CNTNAP2: variants seen among roughly 807,000 people sequenced by gnomAD.
CNTNAP2 encodes the protein contactin associated protein 2, also known as contactin-associated protein-like 2.
In CNTNAP2, 98 loss-of-function variants were observed where a neutral mutation model predicts 155.2. That is an observed-to-expected ratio of 0.63 (90% confidence interval 0.54 to 0.75). The LOEUF is 0.75. CNTNAP2 is among the 30% of genes least tolerant of loss of function. The pLI is 0.00. For synonymous variants in CNTNAP2, 651 were observed against 631.2 expected, an observed-to-expected ratio of 1.03 and a Z score of -0.47; for missense variants, 1,727 against 1,688.1, an observed-to-expected ratio of 1.02 and a Z score of -0.40.
At chr7:147,819,740 C>T (rs1042235944) in intron 13 of CNTNAP2, among the ~76,000 whole-genome samples, 4 of 151,852 alleles carry the variant, frequency 2.6e-5, no homozygotes, top group Non-Finnish European at 5.9e-5. Context: ...ATCTGATTTC[C>T]ATCAACAGAT....
chr7:146,575,156 G>T (rs918868369), intron 1 of CNTNAP2, among the ~76,000 whole-genome samples: 1 of 151,960 alleles, frequency 6.6e-6, no homozygotes, highest in Admixed American at 6.6e-5. Flanking sequence ...TTTTTCTGTC[G>T]CCCAGGGTGG....
chr7:148,132,940 A>C (rs898178016), intron 16 of CNTNAP2, among the ~76,000 whole-genome samples: 3 of 152,198 alleles, frequency 2.0e-5, no homozygotes, highest in Non-Finnish European at 4.4e-5. Context: ...TAATATTACA[A>C]TGATCTGACA....
At chr7:147,728,824 G>GA (rs1228022811) in intron 13 of CNTNAP2, among the ~76,000 whole-genome samples, 1 of 151,630 alleles carries the variant, frequency 6.6e-6, no homozygotes, top group South Asian at 2.1e-4. Context: ...TAGAGCCAAG[G>GA]AAAAATGAAT....
chr7:147,010,515 G>A (rs1010561449), intron 3 of CNTNAP2, among the ~76,000 whole-genome samples: 8 of 152,264 alleles, frequency 5.3e-5, no homozygotes, highest in African/African-American at 1.7e-4. Context: ...ACCAGAGGAT[G>A]ATGGTAACCT....
At chr7:147,477,152 T>C (rs17314955) in intron 10 of CNTNAP2, among the ~76,000 whole-genome samples, 4,573 of 152,232 alleles carry the variant, frequency 0.03, 115 homozygotes, top group Non-Finnish European at 0.048. Context: ...GCTAAATATT[T>C]TTTTGGGGAG....
intron 18 of CNTNAP2, among the ~76,000 whole-genome samples, chr7:148,215,717 C>G (rs892679863): frequency 3.9e-5 from 6 of 152,020 alleles, no homozygotes; most frequent in Admixed American, 3.9e-4. Flanking sequence ...TTACTTAATC[C>G]TCACAACCAC....
At chr7:147,445,886 G>A (rs1275378547) in intron 10 of CNTNAP2, among the ~76,000 whole-genome samples, 1 of 151,880 alleles carries the variant, frequency 6.6e-6, no homozygotes, top group African/African-American at 2.4e-5. Context: ...CCTTGACTTC[G>A]TGGGCTCAAG....
intron 13 of CNTNAP2, among the ~76,000 whole-genome samples, chr7:147,773,188 CT>C (rs1256549926): frequency 7.9e-5 from 12 of 152,114 alleles, no homozygotes; most frequent in Non-Finnish European, 1.5e-5. Flanking sequence ...ATGAACAATC[CT>C]TACTCAAAAG....
intron 21 of CNTNAP2, among the ~76,000 whole-genome samples, chr7:148,332,856 T>TTAC (rs1335222400): frequency 1.3e-5 from 2 of 152,196 alleles, no homozygotes; most frequent in Non-Finnish European, 2.9e-5. Flanking sequence ...TGTAATCATT[T>TTAC]TACTATAAAT....
At chr7:148,112,159 A>T (rs1404928739) in intron 15 of CNTNAP2, among the ~76,000 whole-genome samples, 1 of 152,224 alleles carries the variant, frequency 6.6e-6, no homozygotes, top group Non-Finnish European at 1.5e-5. Flanking sequence ...GAAGAGTTTT[A>T]CTGCTGTGTT....
intron 3 of CNTNAP2, among the ~76,000 whole-genome samples, chr7:146,955,575 A>G (rs1231906856): frequency 6.6e-6 from 1 of 152,066 alleles, no homozygotes; most frequent in African/African-American, 2.4e-5. Flanking sequence ...ATTGTTTCAA[A>G]TTAATAGGGT....
chr7:147,927,146 G>T (rs996030413), intron 14 of CNTNAP2, among the ~76,000 whole-genome samples: 1 of 152,076 alleles, frequency 6.6e-6, no homozygotes, highest in Admixed American at 6.5e-5. Context: ...CTATTTAGTT[G>T]TAGAATGATA....
Position 148,380,079 on chromosome 7 carries a change from T to A in CNTNAP2, c.3476-3570T>A, listed in dbSNP as rs1296209378. On this transcript the variant is annotated intron_variant, in intron 21 of 23. Coordinates refer to ENST00000361727, the MANE Select transcript of CNTNAP2 (RefSeq NM_014141.6). ...CCATATCGTTATGAATATAAGACAT[T>A]AACGTACTGATTGCCACTTGAGAAT... Among the ~76,000 whole-genome samples, 93 of 152,364 alleles carry A rather than the reference T, an allele frequency of 6.1e-4. 1 individual carries two copies. Among genetic ancestry groups the A allele is most frequent in the African/African-American group, 2.2e-3 (90 of 41,588 alleles).
intron 1 of CNTNAP2, among the ~76,000 whole-genome samples, chr7:146,376,954 C>T (rs1487773866): frequency 6.6e-6 from 1 of 152,138 alleles, no homozygotes; most frequent in African/African-American, 2.4e-5. Flanking sequence ...CTGGGTTCTC[C>T]CCAGACATTA....
chr7:147,497,879 C>T (rs905541828), intron 11 of CNTNAP2, among the ~76,000 whole-genome samples: 1 of 152,174 alleles, frequency 6.6e-6, no homozygotes, highest in Admixed American at 6.6e-5. Context: ...TGTCCAAAAG[C>T]ACTATTTTTC....
intron 11 of CNTNAP2, among the ~76,000 whole-genome samples, chr7:147,537,737 A>G (rs1799571061): frequency 6.6e-6 from 1 of 152,234 alleles, no homozygotes; most frequent in African/African-American, 2.4e-5. Flanking sequence ...CACATCTTTT[A>G]TCATATGCCT....
In CNTNAP2 at chr7:146,362,304, C is replaced by A. The variant is rs141548439; in HGVS notation, c.97+245331C>A. On this transcript the variant is annotated intron_variant, in intron 1 of 23. Transcript: ENST00000361727. Reference sequence around the variant, plus strand: ...AACGAGAAAAACGAAAACAAAGCTACACACATAAATTATTACATTGTGAAA... The same window carrying A: ...AACGAGAAAAACGAAAACAAAGCTAAACACATAAATTATTACATTGTGAAA... 4.9e-3 allele frequency among the ~76,000 whole-genome samples: 746 copies of A among 152,210 alleles called. 4 individuals are homozygous for A. Among genetic ancestry groups the A allele is most frequent in the Middle Eastern group, 0.014 (4 of 294 alleles).
At chr7:147,647,183 T>C (rs529532883) in intron 13 of CNTNAP2, among the ~76,000 whole-genome samples, 24 of 151,844 alleles carry the variant, frequency 1.6e-4, no homozygotes, top group Admixed American at 1.1e-3. Flanking sequence ...TGTATTTTAG[T>C]AGAGACAGGG....
chr7:146,539,566 G>C (rs1277849539), intron 1 of CNTNAP2, among the ~76,000 whole-genome samples: 2 of 151,976 alleles, frequency 1.3e-5, no homozygotes, highest in African/African-American at 4.8e-5. Flanking sequence ...CTATGGGCAG[G>C]TGGGAAAGAA....
Sources: gnomAD v4.1 joint callset for allele counts (sites outside exome capture counted in the v4.1 genomes callset) on GRCh38, gnomAD v4.1.1 for gene constraint, MANE v1.5 for transcripts, NCBI Gene and HGNC (gene_info 2026-07-23, HGNC 2026-07-21) for gene names.